SCNN1B: variants seen among roughly 807,000 people sequenced by gnomAD.
SCNN1B encodes the protein epithelial sodium channel subunit beta.
A neutral mutation model predicts 65.3 loss-of-function variants in SCNN1B; 46 were observed. The observed-to-expected ratio is 0.70, with a 90% confidence interval of 0.56 to 0.90. The LOEUF (loss-of-function observed/expected upper bound fraction) is 0.90, where lower values mean the gene tolerates loss of function less well. SCNN1B is among the 40% of genes least tolerant of loss of function. The pLI, the probability that SCNN1B is intolerant of heterozygous loss-of-function variation, is 0.00. For missense variants in SCNN1B, 751 were observed against 830.5 expected (o/e 0.90, Z 1.18); for synonymous variants, 349 against 330.6 (o/e 1.06, Z -0.60).
intron 2 of SCNN1B, among the ~76,000 whole-genome samples, chr16:23,285,442 G>C (rs574839145): frequency 6.6e-6 from 1 of 152,238 alleles, no homozygotes; most frequent in African/African-American, 2.4e-5. Context: ...AAAGTGCTGA[G>C]ATTACAGGCA....
At chr16:23,364,444 G>T (rs1962609144) in intron 4 of SCNN1B, among the ~76,000 whole-genome samples, 1 of 152,168 alleles carries the variant, frequency 6.6e-6, no homozygotes, top group African/African-American at 2.4e-5. Context: ...GGAGTGTAGG[G>T]AATGAGACAT....
chr16:23,339,413 CT>C (rs35226677), intron 1 of SCNN1B, among the ~76,000 whole-genome samples: 87,659 of 149,468 alleles, frequency 0.59, 28,578 homozygotes, highest in African/African-American at 0.89. Flanking sequence ...GTTCATTTAA[CT>C]TTTTTTTTTT....
intron 1 of SCNN1B, among the ~76,000 whole-genome samples, chr16:23,307,671 A>G (rs1318907579): frequency 6.6e-6 from 1 of 152,274 alleles, no homozygotes; most frequent in Middle Eastern, 3.4e-3. Flanking sequence ...GACTAGTCTT[A>G]GATGGGGGAA....
At chr16:23,337,143 C>T (rs1324398720) in intron 1 of SCNN1B, among the ~76,000 whole-genome samples, 1 of 152,042 alleles carries the variant, frequency 6.6e-6, no homozygotes, top group African/African-American at 2.4e-5. Context: ...CCTCCAACTC[C>T]TGGGCTCAAG....
chr16:23,376,596 G>A (rs1173964403), intron 8 of SCNN1B, among the ~76,000 whole-genome samples: 1 of 151,862 alleles, frequency 6.6e-6, no homozygotes, highest in Admixed American at 6.6e-5. Flanking sequence ...GAGCCCTGGC[G>A]GTCTGGAGTC....
intron 1 of SCNN1B, among the ~76,000 whole-genome samples, chr16:23,322,064 T>A (rs934860305): frequency 6.6e-6 from 1 of 152,140 alleles, no homozygotes; most frequent in Admixed American, 6.6e-5. Context: ...GATTTAGTTA[T>A]GTAAACTGCC....
intron 1 of SCNN1B, among the ~76,000 whole-genome samples, chr16:23,335,056 T>G (rs1961908561): frequency 6.6e-6 from 1 of 152,208 alleles, no homozygotes. Flanking sequence ...CCTGTGGACA[T>G]GTAAGCTACA....
At chr16:23,333,708 G>A (rs1046135065) in intron 1 of SCNN1B, among the ~76,000 whole-genome samples, 4 of 152,052 alleles carry the variant, frequency 2.6e-5, no homozygotes, top group South Asian at 4.1e-4. Flanking sequence ...GCAATGGCTC[G>A]CACTTGTAAT....
At position 23,345,502 on chromosome 16, in the gene SCNN1B, G is replaced by A. The variant is rs375995499; in HGVS notation, c.-8-3090G>A. Among the ~76,000 whole-genome samples, 347 of 152,246 alleles carry A rather than the reference G, an allele frequency of 2.3e-3. 17 individuals carry two copies. The South Asian group carries it at 0.07, about 31-fold the overall frequency. On this transcript the variant is annotated intron_variant, in intron 1 of 12. Coordinates refer to ENST00000343070, the MANE Select transcript of SCNN1B (RefSeq NM_000336.3). ...AAAGTCAGAAATTTCTCTCCATCTC[G>A]TGCCTCTTCTTTCCTCTGTATTGGC... is the stretch of plus-strand genomic sequence containing the variant.
At chr16:23,291,726 C>A (rs903871116) in intron 2 of SCNN1B, among the ~76,000 whole-genome samples, 1 of 149,536 alleles carries the variant, frequency 6.7e-6, no homozygotes, top group Non-Finnish European at 1.5e-5. Flanking sequence ...AGGCACGCAC[C>A]ACCACCACGC....
At chr16:23,314,176 C>T (rs951007262) in intron 1 of SCNN1B, among the ~76,000 whole-genome samples, 19 of 151,992 alleles carry the variant, frequency 1.3e-4, no homozygotes, top group Non-Finnish European at 1.8e-4. Flanking sequence ...CACACCACTA[C>T]GGCCAGCTAA....
At chr16:23,370,445 C>T (rs1016066473) in intron 5 of SCNN1B, among the ~76,000 whole-genome samples, 1 of 152,146 alleles carries the variant, frequency 6.6e-6, no homozygotes, top group African/African-American at 2.4e-5. Context: ...CACATCACCC[C>T]GCAGGTAGCA....
upstream of SCNN1B, among the ~76,000 whole-genome samples, chr16:23,297,744 C>T (rs1961017968): frequency 6.6e-6 from 1 of 152,122 alleles, no homozygotes; most frequent in Non-Finnish European, 1.5e-5. Context: ...ATACAAAATG[C>T]TAATTAATAG....
At chr16:23,280,620 A>T (rs1960771044) in intron 1 of SCNN1B, among the ~76,000 whole-genome samples, 1 of 152,360 alleles carries the variant, frequency 6.6e-6, no homozygotes, top group Non-Finnish European at 1.5e-5. Flanking sequence ...ATGAATAATC[A>T]GGAGGCGAAC....
chr16:23,305,559 T>TAAAA (rs1961189239), intron 1 of SCNN1B, among the ~76,000 whole-genome samples: 1 of 55,334 alleles, frequency 1.8e-5, no homozygotes, highest in Non-Finnish European at 3.0e-5. Context: ...TATATATATA[T>TAAAA]ATATATATAT....
At position 23,346,847 on chromosome 16, in the gene SCNN1B, A is replaced by G. The variant is rs902099756; in HGVS notation, c.-8-1745A>G. ...AATCGCTGACACTTAGGTGCCAGGC[A>G]TGAATCTACCCTCTCCATATTTTCA... is the stretch of plus-strand genomic sequence containing the variant. On this transcript the variant is annotated intron_variant, in intron 1 of 12. Transcript: ENST00000343070. 2.0e-5 allele frequency among the ~76,000 whole-genome samples: 3 copies of G among 152,178 alleles called. No homozygotes were observed. In the East Asian group the frequency reaches 5.8e-4, roughly 29 times the overall value.
Position 23,293,114 on chromosome 16 carries a change from C to CAAAAAAAAAAAAAAAAAAAAAAAAAAAA in SCNN1B, n.178+9311_178+9338dup, listed in dbSNP as rs1191618996. 5.9e-5 allele frequency among the ~76,000 whole-genome samples: 2 copies of CAAAAAAAAAAAAAAAAAAAAAAAAAAAA among 34,160 alleles called. 1 individual carries two copies. Among genetic ancestry groups the CAAAAAAAAAAAAAAAAAAAAAAAAAAAA allele is most frequent in the Non-Finnish European group, 1.3e-4 (2 of 15,856 alleles). The allele number at this position is 34,160 out of a possible 152,430, so 22.4% of individuals were successfully genotyped here. A position where few individuals can be genotyped will look rare whatever the true frequency, so the allele number is the denominator to read the frequency against. ...TGGGCAATACAGGGAGACTCATTCTCAAAAAAAAAAAAAAAAAAAAAAAAA... is the reference window on the plus strand; with the variant it reads ...TGGGCAATACAGGGAGACTCATTCTCAAAAAAAAAAAAAAAAAAAAAAAAAAAAAAAAAAAAAAAAAAAAAAAAAAAAA... On this transcript the variant is annotated intron_variant and non_coding_transcript_variant, in intron 2 of 3. Transcript: ENST00000569789.
intron 10 of SCNN1B, among the ~76,000 whole-genome samples, chr16:23,378,425 C>T (rs916539529): frequency 2.6e-5 from 4 of 152,084 alleles, no homozygotes; most frequent in African/African-American, 7.2e-5. Flanking sequence ...GGGAGGATTC[C>T]GGGCAGAGGG....
At chr16:23,315,989 G>GCCATCATCATCATCACCA (rs1961445596) in intron 1 of SCNN1B, among the ~76,000 whole-genome samples, 1 of 132,232 alleles carries the variant, frequency 7.6e-6, no homozygotes, top group Non-Finnish European at 1.6e-5. Flanking sequence ...CACCATCATC[G>GCCATCATCATCATCACCA]CCATCATCAT....
Sources: gnomAD v4.1 joint callset for allele counts (sites outside exome capture counted in the v4.1 genomes callset) on GRCh38, gnomAD v4.1.1 for gene constraint, MANE v1.5 for transcripts, NCBI Gene and HGNC (gene_info 2026-07-23, HGNC 2026-07-21) for gene names.